LDB2: variants seen among roughly 807,000 people sequenced by gnomAD.
LDB2 encodes the protein LIM domain-binding protein 2.
Under a neutral mutation model 44.3 loss-of-function variants are expected in LDB2, and 12 were observed. That is an observed-to-expected ratio of 0.27 (90% CI 0.17 to 0.44). The LOEUF is 0.44. Among genes scored for constraint, LDB2 ranks in the 20% least tolerant of loss-of-function variants. The pLI, the probability that LDB2 is intolerant of heterozygous loss-of-function variation, is 1.00. For missense variants in LDB2, 344 were observed against 473.5 expected (o/e 0.73, Z 2.54); for synonymous variants, 164 against 174.8 (o/e 0.94, Z 0.49).
Position 16,502,550 on chromosome 4 carries a change from T to TTATC in LDB2, c.*89_*92dup. The TTATC allele has an allele frequency of 6.6e-7, 1 of 1,504,010 alleles. No individual in the cohort carries two copies. Among genetic ancestry groups the TTATC allele is most frequent in the Admixed American group, 2.0e-5 (1 of 51,182 alleles). 93.2% of individuals were successfully genotyped at this position (1,504,010 alleles called of 1,614,324 possible). A position where few individuals can be genotyped will look rare whatever the true frequency, so the allele number is the denominator to read the frequency against. ...AATAGATATTTGCATGGAAAAGTTTTTATCTCTTCTGTTTCCTCTCCTGTA... is the reference window on the plus strand; with the variant it reads ...AATAGATATTTGCATGGAAAAGTTTTTATCTATCTCTTCTGTTTCCTCTCCTGTA... On this transcript the variant is annotated 3_prime_UTR_variant, in exon 8 of 8. Coordinates refer to ENST00000304523, the MANE Select transcript of LDB2 (RefSeq NM_001290.5).
chr4:16,853,028 C>T (rs1468160612), intron 1 of LDB2, among the ~76,000 whole-genome samples: 1 of 152,148 alleles, frequency 6.6e-6, no homozygotes, highest in East Asian at 1.9e-4. Context: ...CCCTCTCTTC[C>T]AGAAAATACC....
rs147966961 is a variant in LDB2 at position 16,515,876 on chromosome 4, A to T, written c.616-3772T>A. The stretch of plus-strand genomic sequence containing the variant: ...TTATTATTTATTTATTTATTTATTT[A>T]TTTTTTTGAGACAGTCTCGCTCTGT... On this transcript the variant is annotated intron_variant, in intron 5 of 7. Coordinates refer to ENST00000304523, the MANE Select transcript of LDB2 (RefSeq NM_001290.5). Among the ~76,000 whole-genome samples, 1,045 of 150,896 alleles carry T rather than the reference A, an allele frequency of 6.9e-3. 9 individuals carry two copies. Among genetic ancestry groups the T allele is most frequent in the African/African-American group, 0.022 (907 of 41,128 alleles).
At chr4:16,596,952 T>G (rs148798088) in intron 2 of LDB2, among the ~76,000 whole-genome samples, 84 of 152,332 alleles carry the variant, frequency 5.5e-4, no homozygotes, top group Middle Eastern at 3.4e-3. Context: ...ATCCAAGGTT[T>G]TTAATAAATC....
chr4:16,581,952 G>A (rs1714688613), intron 5 of LDB2, among the ~76,000 whole-genome samples: 1 of 146,878 alleles, frequency 6.8e-6, no homozygotes, highest in Non-Finnish European at 1.5e-5. Context: ...AAGGGAGGGA[G>A]GGAAATAAAA....
At chr4:16,703,670 A>C (rs1269268041) in intron 2 of LDB2, among the ~76,000 whole-genome samples, 3 of 152,208 alleles carry the variant, frequency 2.0e-5, no homozygotes, top group Admixed American at 6.5e-5. Context: ...ATTGGGTGGC[A>C]ATATATTTAC....
chr4:16,543,935 GT>G (rs879862224), intron 5 of LDB2, among the ~76,000 whole-genome samples: 1 of 152,018 alleles, frequency 6.6e-6, no homozygotes, highest in African/African-American at 2.4e-5. Flanking sequence ...TCAAATAATT[GT>G]TTTTTTCTCC....
chr4:16,829,966 G>A (rs949054611), intron 1 of LDB2, among the ~76,000 whole-genome samples: 2 of 152,084 alleles, frequency 1.3e-5, no homozygotes, highest in Non-Finnish European at 1.5e-5. Context: ...TTAGCTGGGC[G>A]TGGTGCCGTG....
chr4:16,634,138 A>T (rs545746032), intron 2 of LDB2, among the ~76,000 whole-genome samples: 1 of 152,304 alleles, frequency 6.6e-6, no homozygotes, highest in South Asian at 2.1e-4. Flanking sequence ...ACTTAAATGT[A>T]AGATCTAAGA....
intron 2 of LDB2, among the ~76,000 whole-genome samples, chr4:16,733,262 T>C (rs1383224694): frequency 6.6e-6 from 1 of 152,042 alleles, no homozygotes; most frequent in Non-Finnish European, 1.5e-5. Context: ...ATAAGGTGAA[T>C]TGGAGTCATT....
intron 1 of LDB2, among the ~76,000 whole-genome samples, chr4:16,763,469 C>CACACACACACAT (rs1168729548): frequency 6.6e-6 from 1 of 151,932 alleles, no homozygotes; most frequent in East Asian, 1.9e-4. Flanking sequence ...CACACACACA[C>CACACACACACAT]ACACACAGAG....
intron 5 of LDB2, among the ~76,000 whole-genome samples, chr4:16,523,036 G>T (rs886730205): frequency 6.6e-6 from 1 of 152,180 alleles, no homozygotes; most frequent in African/African-American, 2.4e-5. Flanking sequence ...TACTCTAAAT[G>T]GCCTCAGACA....
At chr4:16,585,055 T>G (rs532936991) in intron 5 of LDB2, among the ~76,000 whole-genome samples, 1 of 152,132 alleles carries the variant, frequency 6.6e-6, no homozygotes, top group East Asian at 1.9e-4. Context: ...CAAGACGATA[T>G]GCCCAGCAGT....
intron 5 of LDB2, among the ~76,000 whole-genome samples, chr4:16,537,039 T>C (rs1309800678): frequency 6.6e-6 from 1 of 152,208 alleles, no homozygotes; most frequent in East Asian, 1.9e-4. Flanking sequence ...TTTTACAGTT[T>C]ACGTTTTTAT....
chr4:16,862,633 CAAAAAAAAAAAAAAA>C (rs58157857), intron 1 of LDB2, among the ~76,000 whole-genome samples: 5 of 45,080 alleles, frequency 1.1e-4, no homozygotes, highest in African/African-American at 2.8e-4. Flanking sequence ...AATTCCATCT[CAAAAAAAAAAAAAAA>C]AAAAAAAAAA....
chr4:16,808,845 C>T (rs561604685), intron 1 of LDB2, among the ~76,000 whole-genome samples: 1 of 152,218 alleles, frequency 6.6e-6, no homozygotes, highest in Non-Finnish European at 1.5e-5. Context: ...ATAGCGGGTC[C>T]TGGTGTACAT....
intron 5 of LDB2, among the ~76,000 whole-genome samples, chr4:16,558,621 G>C: frequency 6.6e-6 from 1 of 152,224 alleles, no homozygotes; most frequent in Non-Finnish European, 1.5e-5. Flanking sequence ...ATGGAACCAA[G>C]TTGGAAAACA....
intron 1 of LDB2, among the ~76,000 whole-genome samples, chr4:16,890,098 G>T (rs777062132): frequency 5.9e-5 from 9 of 152,346 alleles, no homozygotes; most frequent in Non-Finnish European, 1.2e-4. Flanking sequence ...CGAGGGCAAA[G>T]GTCCTGCAGT....
chr4:16,534,712 C>T (rs1731190399), intron 5 of LDB2, among the ~76,000 whole-genome samples: 2 of 152,166 alleles, frequency 1.3e-5, no homozygotes, highest in Admixed American at 1.3e-4. Flanking sequence ...AAGAGCAAAG[C>T]TCAGTTGAGA....
At chr4:16,507,398 A>T (rs1719918086) in intron 7 of LDB2, among the ~76,000 whole-genome samples, 1 of 152,110 alleles carries the variant, frequency 6.6e-6, no homozygotes, top group Admixed American at 6.6e-5. Context: ...TGGAAAGTAG[A>T]TACAAGTAGG....
Sources: allele counts gnomAD v4.1 joint callset (sites outside exome capture counted in the v4.1 genomes callset), GRCh38; gene constraint gnomAD v4.1.1; transcripts MANE v1.5; gene names NCBI Gene and HGNC (gene_info 2026-07-23, HGNC 2026-07-21).